COL8A1: variants seen among roughly 807,000 people sequenced by gnomAD.
COL8A1 encodes collagen type VIII alpha 1 chain.
Under a neutral mutation model 42.7 loss-of-function variants are expected in COL8A1, and 21 were observed. That is an observed-to-expected ratio of 0.49 (90% CI 0.35 to 0.71). The LOEUF is 0.71. Among genes scored for constraint, COL8A1 ranks in the 30% least tolerant of loss-of-function variants. COL8A1 has a pLI of 0.01. For missense variants in COL8A1, 788 were observed against 962.4 expected, an observed-to-expected ratio of 0.82 and a Z score of 2.40; for synonymous variants, 367 against 369.1, an observed-to-expected ratio of 0.99 and a Z score of 0.06.
chr3:99,749,425 T>G (rs953307127), intron 2 of COL8A1, among the ~76,000 whole-genome samples: 1 of 151,938 alleles, frequency 6.6e-6, no homozygotes, highest in Admixed American at 6.6e-5. Context: ...TTTTATTCAT[T>G]TAAGCTCCAC....
At position 99,727,488 on chromosome 3, in the gene COL8A1, T is replaced by A. The variant is rs368479268; in HGVS notation, c.-128-17409T>A. Among the ~76,000 whole-genome samples the A allele has an allele frequency of 4.6e-4, 70 of 152,230 alleles. 2 individuals carry two copies. In the East Asian group the frequency reaches 4.8e-3, roughly 10 times the overall value. On this transcript the variant is annotated intron_variant, in intron 1 of 3. Transcript: ENST00000652472. ...GGTGATTCTTGAATTAATTTTTGTA[T>A]AAGGTGTAAGGAAGGGATCCAGTTT...
chr3:99,723,003 T>TTGTG (rs34062497), intron 1 of COL8A1, among the ~76,000 whole-genome samples: 62,121 of 146,914 alleles, frequency 0.42, 13,158 homozygotes, highest in East Asian at 0.6. Flanking sequence ...GAGACCAAAG[T>TTGTG]TGTGTGTGTG....
intron 1 of COL8A1, among the ~76,000 whole-genome samples, chr3:99,647,038 A>G (rs955200000): frequency 2.0e-5 from 3 of 152,250 alleles, no homozygotes; most frequent in African/African-American, 7.2e-5. Context: ...TACAGAAAAA[A>G]GTTCTGTGGT....
intron 1 of COL8A1, among the ~76,000 whole-genome samples, chr3:99,643,513 A>T (rs1273242918): frequency 6.6e-6 from 1 of 152,254 alleles, no homozygotes; most frequent in African/African-American, 2.4e-5. Flanking sequence ...CTTGTAGAAA[A>T]TATAGTCTAT....
At chr3:99,730,535 T>G (rs1169381634) in intron 1 of COL8A1, among the ~76,000 whole-genome samples, 1 of 152,128 alleles carries the variant, frequency 6.6e-6, no homozygotes, top group African/African-American at 2.4e-5. Context: ...TCCCATGCAC[T>G]CAATGGAGTC....
Position 99,790,972 on chromosome 3 carries a change from CAAG to C in COL8A1, c.293_295del (p.Arg98del), listed in dbSNP as rs748784906. On this transcript the variant is annotated inframe_deletion, in exon 3 of 4. Coordinates refer to ENST00000652472, the MANE Select transcript of COL8A1 (RefSeq NM_020351.4). ...TATATGAAGGAAATTCAACCGGCGC[CAAG>C]AATGGGCAAGGAAGCCGTACCCAAG... 21 of 1,613,310 alleles carry C rather than the reference CAAG, an allele frequency of 1.3e-5. No individual in the cohort carries two copies. The African/African-American group carries it at 2.8e-4, about 22-fold the overall frequency.
chr3:99,789,224 T>C (rs781028128), intron 2 of COL8A1, among the ~76,000 whole-genome samples: 5 of 152,132 alleles, frequency 3.3e-5, no homozygotes, highest in Non-Finnish European at 1.5e-5. Flanking sequence ...TCAACGCACA[T>C]TTTCTAAGAA....
chr3:99,726,611 G>A (rs1423003025), intron 1 of COL8A1, among the ~76,000 whole-genome samples: 1 of 152,124 alleles, frequency 6.6e-6, no homozygotes, highest in African/African-American at 2.4e-5. Context: ...AAGGGATCCA[G>A]TTTCAGCTTT....
rs114329702 is a variant in COL8A1, at chr3:99,779,769, A to G, written c.-3-10911A>G. On this transcript the variant is annotated intron_variant, in intron 2 of 3. Coordinates refer to ENST00000652472, the MANE Select transcript of COL8A1 (RefSeq NM_020351.4). ...CTTGCAATGAGAAGTCTTAAATTGC[A>G]TACTCAGACTGGGGATTTAGAAAAA... 3.4e-3 allele frequency among the ~76,000 whole-genome samples: 522 copies of G among 152,326 alleles called. 2 individuals are homozygous for G. Among genetic ancestry groups the G allele is most frequent in the African/African-American group, 0.012 (490 of 41,568 alleles).
intron 1 of COL8A1, among the ~76,000 whole-genome samples, chr3:99,739,168 C>T (rs113819840): frequency 6.6e-6 from 1 of 152,172 alleles, no homozygotes; most frequent in Non-Finnish European, 1.5e-5. Context: ...GATGGAAATG[C>T]AGAAATCACC....
At chr3:99,712,536 A>T (rs1939867416) in intron 1 of COL8A1, among the ~76,000 whole-genome samples, 1 of 152,132 alleles carries the variant, frequency 6.6e-6, no homozygotes, top group Non-Finnish European at 1.5e-5. Flanking sequence ...ATGCCTAACA[A>T]ATATGACTTT....
At chr3:99,647,727 G>A (rs1401286587) in intron 1 of COL8A1, among the ~76,000 whole-genome samples, 1 of 152,236 alleles carries the variant, frequency 6.6e-6, no homozygotes, top group Non-Finnish European at 1.5e-5. Context: ...AACCAAGATC[G>A]TTGGCCAAAT....
intron 2 of COL8A1, among the ~76,000 whole-genome samples, chr3:99,772,540 T>C (rs1941600562): frequency 6.6e-6 from 1 of 152,134 alleles, no homozygotes; most frequent in Non-Finnish European, 1.5e-5. Context: ...GGGGAGGTTG[T>C]GCCAGTGTGG....
intron 2 of COL8A1, among the ~76,000 whole-genome samples, chr3:99,759,286 A>T (rs1559628925): frequency 6.6e-6 from 1 of 152,158 alleles, no homozygotes; most frequent in Non-Finnish European, 1.5e-5. Flanking sequence ...TGTTAAATTA[A>T]TGCATTTAGC....
intron 1 of COL8A1, among the ~76,000 whole-genome samples, chr3:99,718,147 T>C (rs920381255): frequency 3.3e-5 from 5 of 152,028 alleles, no homozygotes; most frequent in African/African-American, 1.2e-4. Context: ...TCTGAGCACC[T>C]GTAGTCCCCA....
At chr3:99,644,884 C>A (rs931125513) in intron 1 of COL8A1, among the ~76,000 whole-genome samples, 2 of 152,146 alleles carry the variant, frequency 1.3e-5, no homozygotes, top group Non-Finnish European at 2.9e-5. Context: ...TTCTCTAGTC[C>A]CCTCTGTTAG....
chr3:99,747,129 G>A (rs1321367458), intron 2 of COL8A1, among the ~76,000 whole-genome samples: 2 of 152,070 alleles, frequency 1.3e-5, no homozygotes, highest in Admixed American at 6.6e-5. Context: ...AGCACAGAAT[G>A]TAACTTTTTT....
In COL8A1 at chr3:99,790,771, A is replaced by G; in HGVS notation, c.89A>G (p.Tyr30Cys). 1 of 1,614,200 alleles carries G rather than the reference A, an allele frequency of 6.2e-7. No individual in the cohort carries two copies. The highest frequency in any genetic ancestry group is 8.5e-7 in the Non-Finnish European group (1 of 1,180,030). The change falls in exon 3 of 4, where the codon TAC (tyrosine) becomes TGC (cysteine). Residue 30 changes from tyrosine (Y) to cysteine (C), a missense_variant. Physicochemically the swap from Tyr to Cys is radical, Grantham distance 194 (BLOSUM62 -2). Transcript: ENST00000652472. ...ATCAGGCTCATTCAGGCTGGTGCCT[A>G]CTATGGGATCAAGCCGCTGCCACCT... is the stretch of plus-strand genomic sequence containing the variant. ...SSIRLIQAGA[Y>C]YGIKPLPPQI...
chr3:99,691,209 C>A (rs977065870), intron 1 of COL8A1, among the ~76,000 whole-genome samples: 2 of 152,234 alleles, frequency 1.3e-5, no homozygotes, highest in South Asian at 4.2e-4. Flanking sequence ...AAATACTGAG[C>A]CCAGAACGCC....
Sources: gnomAD v4.1 joint callset for allele counts (sites outside exome capture counted in the v4.1 genomes callset) on GRCh38, gnomAD v4.1.1 for gene constraint, MANE v1.5 for transcripts, NCBI Gene and HGNC (gene_info 2026-07-23, HGNC 2026-07-21) for gene names.